Variants in SEMA6D observed in about 807,000 individuals in gnomAD.
SEMA6D encodes the protein semaphorin 6D.
Under a neutral mutation model 106.6 loss-of-function variants are expected in SEMA6D, and 35 were observed. The ratio of observed to expected loss-of-function variants is 0.33; its 90% CI spans 0.25 to 0.44. The LOEUF is 0.44. SEMA6D is among the 20% of genes least tolerant of loss of function. The pLI is 1.00. For missense variants in SEMA6D, 1,185 were observed against 1,345.9 expected (o/e 0.88, Z 1.87); for synonymous variants, 499 against 487.7 (o/e 1.02, Z -0.31).
intron 2 of SEMA6D, among the ~76,000 whole-genome samples, chr15:47,457,452 G>A (rs2042377680): frequency 6.6e-6 from 1 of 151,802 alleles, no homozygotes; most frequent in African/African-American, 2.4e-5. Flanking sequence ...TATTCTATAT[G>A]TTCAAGAAAG....
intron 1 of SEMA6D, among the ~76,000 whole-genome samples, chr15:47,298,189 G>C (rs369737565): frequency 5.3e-5 from 8 of 152,294 alleles, no homozygotes; most frequent in Admixed American, 3.9e-4. Flanking sequence ...AAGCCCTCCT[G>C]GGTTAGGGCG....
At chr15:47,768,857 T>C in intron 18 of SEMA6D, 109 bp downstream of exon 18, 2 of 1,017,568 alleles carry the variant, frequency 2.0e-6, no homozygotes, top group Non-Finnish European at 2.8e-6. Context: ...GCTTCTGCGG[T>C]TGTACCTCCA....
chr15:47,449,960 C>T (rs1239225626), intron 2 of SEMA6D, among the ~76,000 whole-genome samples: 1 of 152,098 alleles, frequency 6.6e-6, no homozygotes, highest in African/African-American at 2.4e-5. Context: ...TAGGGAAACT[C>T]TCAGAGACAC....
intron 4 of SEMA6D, among the ~76,000 whole-genome samples, chr15:47,642,164 CT>C (rs2144747601): frequency 6.6e-6 from 1 of 152,306 alleles, no homozygotes; most frequent in South Asian, 2.1e-4. Context: ...ATGGCCATTA[CT>C]TTTTGGTACA....
At chr15:47,333,787 T>C (rs1260589921) in intron 1 of SEMA6D, among the ~76,000 whole-genome samples, 1 of 152,222 alleles carries the variant, frequency 6.6e-6, no homozygotes. Context: ...GCTGAGGTGT[T>C]ATGATAGGTA....
intron 2 of SEMA6D, among the ~76,000 whole-genome samples, chr15:47,455,795 T>C (rs545570314): frequency 1.3e-5 from 2 of 151,984 alleles, no homozygotes; most frequent in Non-Finnish European, 2.9e-5. Context: ...GAAGATTAAG[T>C]TTCAGGAATG....
chr15:47,358,207 T>C (rs1433075374), intron 1 of SEMA6D, among the ~76,000 whole-genome samples: 1 of 152,180 alleles, frequency 6.6e-6, no homozygotes, highest in East Asian at 1.9e-4. Context: ...CCTCAAGTCT[T>C]TGAATAAAAT....
Position 47,594,267 on chromosome 15 carries a change from T to C in SEMA6D, c.-86-6598T>C, listed in dbSNP as rs563280355. Among the ~76,000 whole-genome samples, 4 of 152,322 alleles carry C rather than the reference T, an allele frequency of 2.6e-5. 1 individual carries two copies. The South Asian group carries it at 8.3e-4, about 32-fold the overall frequency. On this transcript the variant is annotated intron_variant, in intron 3 of 19. Transcript: ENST00000558014. ...AAGAGAAAGTTCATTTCTTTTGCCC[T>C]GGTCCCAGGTTTGGTTGGTTTTCTT...
chr15:47,341,692 G>A (rs539718875), intron 1 of SEMA6D, among the ~76,000 whole-genome samples: 1 of 152,226 alleles, frequency 6.6e-6, no homozygotes, highest in East Asian at 1.9e-4. Context: ...GAAAGAATCT[G>A]TCTGTCGTGA....
chr15:47,702,995 A>G (rs1790252651), intron 4 of SEMA6D, among the ~76,000 whole-genome samples: 1 of 152,234 alleles, frequency 6.6e-6, no homozygotes. Flanking sequence ...GTGAACTGTA[A>G]TGTAAATGCA....
intron 1 of SEMA6D, among the ~76,000 whole-genome samples, chr15:47,267,348 TC>T (rs2034365837): frequency 1.3e-5 from 2 of 152,204 alleles, no homozygotes; most frequent in East Asian, 3.9e-4. Flanking sequence ...TATGTTTTTT[TC>T]CTGTACCTTT....
chr15:47,556,718 C>T (rs555318660), intron 3 of SEMA6D, among the ~76,000 whole-genome samples: 2 of 152,102 alleles, frequency 1.3e-5, no homozygotes, highest in Non-Finnish European at 2.9e-5. Flanking sequence ...TGCTGTGGAG[C>T]CTCCCTTCCC....
intron 1 of SEMA6D, among the ~76,000 whole-genome samples, chr15:47,754,449 C>T (rs945903695): frequency 1.8e-4 from 28 of 152,118 alleles, no homozygotes; most frequent in Non-Finnish European, 2.9e-4. Context: ...TATTTTCTTT[C>T]AGCAACTTAA....
chr15:47,617,720 G>A lies in SEMA6D; in HGVS notation c.-55+16824G>A, dbSNP rs569650199. On this transcript the variant is annotated intron_variant, in intron 4 of 19. Coordinates refer to the SEMA6D transcript ENST00000558014. The stretch of plus-strand genomic sequence containing the variant: ...ATCTGTTGACCTAAGGCAAGACTTC[G>A]ACAGATTCAGTTTTTTCACCTGTAA... 3.9e-5 allele frequency among the ~76,000 whole-genome samples: 6 copies of A among 152,258 alleles called. No individual in the cohort carries two copies. In the South Asian group the frequency reaches 1.2e-3, roughly 32 times the overall value.
chr15:47,686,679 C>T (rs2078476753), intron 4 of SEMA6D, among the ~76,000 whole-genome samples: 1 of 152,156 alleles, frequency 6.6e-6, no homozygotes, highest in African/African-American at 2.4e-5. Flanking sequence ...TATTTCTTAG[C>T]ACATGATCTC....
intron 1 of SEMA6D, chr15:47,730,258 G>C (rs776688081): frequency 1.3e-5 from 20 of 1,542,968 alleles, no homozygotes; most frequent in Admixed American, 1.7e-5. Context: ...CATCGTATCT[G>C]TCGTTGTAAT....
rs775078457 is a variant in SEMA6D, at chr15:47,739,860, A to G, written c.-54-19885A>G. Among the ~76,000 whole-genome samples, 8 of 152,356 alleles carry G rather than the reference A, an allele frequency of 5.3e-5. No individual in the cohort carries two copies. In the South Asian group the frequency reaches 6.2e-4, roughly 12 times the overall value. On this transcript the variant is annotated intron_variant, in intron 1 of 18. Coordinates refer to ENST00000536845, the MANE Select transcript of SEMA6D (RefSeq NM_001358351.3). Reference sequence around the variant, plus strand: ...GAAGCATAATGATGCTAATAATAATATCAACACAATAACCATAATAATAGC... The same window carrying G: ...GAAGCATAATGATGCTAATAATAATGTCAACACAATAACCATAATAATAGC...
chr15:47,323,737 G>C (rs757380324), intron 1 of SEMA6D, among the ~76,000 whole-genome samples: 1 of 152,100 alleles, frequency 6.6e-6, no homozygotes, highest in South Asian at 2.1e-4. Flanking sequence ...ATAAAGAGAC[G>C]TGGCACATAT....
At chr15:47,418,356 A>T (rs1207159746) in intron 2 of SEMA6D, among the ~76,000 whole-genome samples, 1 of 152,124 alleles carries the variant, frequency 6.6e-6, no homozygotes, top group African/African-American at 2.4e-5. Flanking sequence ...TCATGCTGCT[A>T]TACTGGGTGG....
Sources: allele counts gnomAD v4.1 joint callset (sites outside exome capture counted in the v4.1 genomes callset), GRCh38; gene constraint gnomAD v4.1.1; transcripts MANE v1.5; gene names NCBI Gene and HGNC (gene_info 2026-07-23, HGNC 2026-07-21).